GPC6: variants seen among roughly 807,000 people sequenced by gnomAD.
GPC6 encodes glypican-6.
In GPC6, 14 loss-of-function variants were observed where a neutral mutation model predicts 55.2. The ratio of observed to expected loss-of-function variants is 0.25; its 90% confidence interval spans 0.17 to 0.40. The LOEUF (loss-of-function observed/expected upper bound fraction) is 0.40. Among genes scored for constraint, GPC6 ranks in the 10% least tolerant of loss-of-function variants. The pLI, the probability that GPC6 is intolerant of heterozygous loss-of-function variation, is 1.00. For missense variants in GPC6, 641 were observed against 708.5 expected (o/e 0.90, Z 1.08); for synonymous variants, 278 against 259.6 (o/e 1.07, Z -0.68).
intron 4 of GPC6, among the ~76,000 whole-genome samples, chr13:94,068,073 G>T (rs1015398496): frequency 6.6e-6 from 1 of 152,118 alleles, no homozygotes; most frequent in Non-Finnish European, 1.5e-5. Context: ...GTATTGGTTG[G>T]TTTTCATGCT....
At chr13:93,690,783 C>G (rs1214148337) in intron 2 of GPC6, among the ~76,000 whole-genome samples, 1 of 152,072 alleles carries the variant, frequency 6.6e-6, no homozygotes, top group Non-Finnish European at 1.5e-5. Flanking sequence ...AAGATTTCCT[C>G]TATGAAATTG....
intron 2 of GPC6, among the ~76,000 whole-genome samples, chr13:93,579,689 T>C (rs1209170274): frequency 6.6e-6 from 1 of 152,206 alleles, no homozygotes; most frequent in Non-Finnish European, 1.5e-5. Context: ...TTGATTAAGA[T>C]GCTTGAAGTC....
intron 4 of GPC6, among the ~76,000 whole-genome samples, chr13:94,043,651 T>C (rs970712882): frequency 1.3e-5 from 2 of 151,870 alleles, no homozygotes; most frequent in Admixed American, 6.6e-5. Context: ...GCCTTCTCTT[T>C]CCTTATTTGC....
chr13:94,002,765 G>T (rs1379515081), intron 3 of GPC6, among the ~76,000 whole-genome samples: 3 of 152,020 alleles, frequency 2.0e-5, no homozygotes, highest in Non-Finnish European at 4.4e-5. Flanking sequence ...ATAATTAGTG[G>T]CAGCCCTTAA....
intron 4 of GPC6, among the ~76,000 whole-genome samples, chr13:94,217,385 T>C (rs893802901): frequency 6.6e-6 from 1 of 152,156 alleles, no homozygotes; most frequent in African/African-American, 2.4e-5. Flanking sequence ...GTTGTCTCTT[T>C]ATATCCCATT....
At chr13:94,270,129 ATCTC>A (rs1348931692) in intron 4 of GPC6, among the ~76,000 whole-genome samples, 1 of 152,206 alleles carries the variant, frequency 6.6e-6, no homozygotes, top group Non-Finnish European at 1.5e-5. Flanking sequence ...GCCTTCATTT[ATCTC>A]TCTATGAGAA....
At chr13:93,983,463 T>C (rs1296582875) in intron 3 of GPC6, among the ~76,000 whole-genome samples, 1 of 151,414 alleles carries the variant, frequency 6.6e-6, no homozygotes, top group Non-Finnish European at 1.5e-5. Context: ...AGAGATGGGG[T>C]CTTACTCTGT....
chr13:93,724,190 G>T (rs1175355118), intron 2 of GPC6, among the ~76,000 whole-genome samples: 4 of 151,948 alleles, frequency 2.6e-5, no homozygotes, highest in Non-Finnish European at 5.9e-5. Flanking sequence ...ATTTTCCCAT[G>T]TAGGGACAGC....
At chr13:93,383,611 T>C (rs1456944466) in intron 1 of GPC6, among the ~76,000 whole-genome samples, 1 of 152,226 alleles carries the variant, frequency 6.6e-6, no homozygotes, top group Non-Finnish European at 1.5e-5. Flanking sequence ...ACTGACCTTC[T>C]GAAGACCATG....
chr13:93,576,336 C>G (rs1876663551), intron 2 of GPC6, among the ~76,000 whole-genome samples: 1 of 151,880 alleles, frequency 6.6e-6, no homozygotes, highest in African/African-American at 2.4e-5. Context: ...ATGCACAATA[C>G]AAAATTTTAT....
At chr13:93,478,562 C>T (rs1879385586) in intron 1 of GPC6, among the ~76,000 whole-genome samples, 1 of 152,180 alleles carries the variant, frequency 6.6e-6, no homozygotes, top group African/African-American at 2.4e-5. Flanking sequence ...GTTTCAAATA[C>T]ATCCTCCTCC....
At chr13:93,508,502 G>C (rs192654033) in intron 1 of GPC6, among the ~76,000 whole-genome samples, 2 of 152,304 alleles carry the variant, frequency 1.3e-5, no homozygotes, top group East Asian at 3.9e-4. Context: ...AAATCATCTT[G>C]GGCCACAAAG....
intron 6 of GPC6, among the ~76,000 whole-genome samples, chr13:94,355,784 CTTAATT>C (rs551407029): frequency 1.1e-4 from 17 of 152,016 alleles, no homozygotes; most frequent in East Asian, 5.8e-4. Context: ...CTTTTTTTAA[CTTAATT>C]TTAAGTTCTG....
At chr13:94,222,282 A>G (rs1227745993) in intron 4 of GPC6, among the ~76,000 whole-genome samples, 3 of 152,162 alleles carry the variant, frequency 2.0e-5, no homozygotes, top group African/African-American at 2.4e-5. Context: ...TGTGCCAATT[A>G]TAATACAAAT....
At chr13:93,366,773 A>C (rs1333342805) in intron 1 of GPC6, among the ~76,000 whole-genome samples, 1 of 152,056 alleles carries the variant, frequency 6.6e-6, no homozygotes, top group Admixed American at 6.6e-5. Context: ...CTATATTTAT[A>C]CATAAGCCAG....
intron 4 of GPC6, among the ~76,000 whole-genome samples, chr13:94,173,386 C>T (rs16949554): frequency 0.2 from 30,644 of 151,958 alleles, 3,341 homozygotes; most frequent in South Asian, 0.28. Context: ...CTGGTTAGGA[C>T]GTGTACAGAT....
chr13:93,276,956 C>T (rs896198960), intron 1 of GPC6, among the ~76,000 whole-genome samples: 12 of 152,170 alleles, frequency 7.9e-5, no homozygotes, highest in African/African-American at 2.9e-4. Flanking sequence ...CCCTGTATTT[C>T]GACAGTTTTT....
At chr13:93,666,380 A>G (rs1458269822) in intron 2 of GPC6, among the ~76,000 whole-genome samples, 4 of 152,054 alleles carry the variant, frequency 2.6e-5, no homozygotes, top group Admixed American at 6.6e-5. Flanking sequence ...CAACTGAAAA[A>G]GGGCATGGGA....
chr13:93,710,829 G>T (rs951810365), intron 2 of GPC6, among the ~76,000 whole-genome samples: 2 of 151,612 alleles, frequency 1.3e-5, no homozygotes, highest in Non-Finnish European at 2.9e-5. Flanking sequence ...TTTCCTAAAT[G>T]TGTAAACATG....
Sources: allele counts gnomAD v4.1 joint callset (sites outside exome capture counted in the v4.1 genomes callset), GRCh38; gene constraint gnomAD v4.1.1; transcripts MANE v1.5; gene names NCBI Gene and HGNC (gene_info 2026-07-23, HGNC 2026-07-21).